SHISA9: variants seen among roughly 807,000 people sequenced by gnomAD.
SHISA9 encodes the protein shisa family member 9.
Under a neutral mutation model 38.0 loss-of-function variants are expected in SHISA9, and 13 were observed. That is an observed-to-expected ratio of 0.34 (90% CI 0.22 to 0.54). The LOEUF (loss-of-function observed/expected upper bound fraction) is 0.54. Among genes scored for constraint, SHISA9 ranks in the 20% least tolerant of loss-of-function variants. The probability of loss-of-function intolerance (pLI) is 0.91; values close to 1 mark genes in which losing one functional copy is unlikely to be tolerated. For synonymous variants in SHISA9, 275 were observed against 242.0 expected (o/e 1.14, Z -1.27); for missense variants, 538 against 575.8 (o/e 0.93, Z 0.67).
At chr16:13,058,605 A>G (rs923675923) in intron 2 of SHISA9, among the ~76,000 whole-genome samples, 1 of 152,212 alleles carries the variant, frequency 6.6e-6, no homozygotes, top group South Asian at 2.1e-4. Flanking sequence ...TAGAGCCACA[A>G]AAGTTCTCTT....
At chr16:13,223,465 G>A (rs1424514990) in intron 4 of SHISA9, among the ~76,000 whole-genome samples, 2 of 152,050 alleles carry the variant, frequency 1.3e-5, no homozygotes, top group African/African-American at 4.8e-5. Context: ...TAAAACTGGT[G>A]CATTGAATCC....
the SHISA9 span, among the ~76,000 whole-genome samples, chr16:13,468,718 T>G: frequency 1.1e-3 from 164 of 152,298 alleles, no homozygotes; most frequent in African/African-American, 3.8e-3. Context: ...GACTCACATC[T>G]GCAATCCCAG....
chr16:13,185,171 T>C (rs2050809637), intron 2 of SHISA9, among the ~76,000 whole-genome samples: 1 of 152,198 alleles, frequency 6.6e-6, no homozygotes, highest in Non-Finnish European at 1.5e-5. Context: ...TTTTGTATTA[T>C]TTATGCATTT....
chr16:13,279,209 CT>C, the SHISA9 span, among the ~76,000 whole-genome samples: 156 of 152,016 alleles, frequency 1.0e-3, no homozygotes, highest in African/African-American at 3.6e-3. Flanking sequence ...CTGAAGGTTC[CT>C]TTTTGAGTTG....
chr16:12,970,861 G>A (rs923320226), intron 2 of SHISA9, among the ~76,000 whole-genome samples: 1 of 152,020 alleles, frequency 6.6e-6, no homozygotes, highest in Non-Finnish European at 1.5e-5. Flanking sequence ...AAGAATGTAA[G>A]CCCATGAGGC....
the SHISA9 span, among the ~76,000 whole-genome samples, chr16:13,409,888 C>T: frequency 2.0e-5 from 3 of 152,300 alleles, no homozygotes; most frequent in South Asian, 6.2e-4. Flanking sequence ...CCTGAAGGGG[C>T]CCCAAAACTT....
the SHISA9 span, among the ~76,000 whole-genome samples, chr16:13,523,024 A>C: frequency 2.0e-5 from 3 of 152,264 alleles, no homozygotes; most frequent in Non-Finnish European, 4.4e-5. Context: ...CTTGTTGAGC[A>C]TTAAGGGGAT....
intron 4 of SHISA9, among the ~76,000 whole-genome samples, chr16:13,219,914 C>T (rs563494848): frequency 2.6e-4 from 40 of 152,144 alleles, no homozygotes; most frequent in Middle Eastern, 3.4e-3. Context: ...GCCAAGATCA[C>T]GCCACTGCAC....
intron 2 of SHISA9, among the ~76,000 whole-genome samples, chr16:12,949,396 G>A (rs1367050735): frequency 6.6e-6 from 1 of 152,200 alleles, no homozygotes; most frequent in Non-Finnish European, 1.5e-5. Context: ...CACTGGCTGT[G>A]GACTGCTCCT....
chr16:12,933,101 A>G (rs1445456968), intron 2 of SHISA9, among the ~76,000 whole-genome samples: 1 of 152,210 alleles, frequency 6.6e-6, no homozygotes, highest in Non-Finnish European at 1.5e-5. Context: ...GTTTGGATGT[A>G]TAGTAGGTGA....
intron 2 of SHISA9, among the ~76,000 whole-genome samples, chr16:13,197,147 A>G (rs545045383): frequency 4.6e-4 from 69 of 149,486 alleles, no homozygotes; most frequent in Non-Finnish European, 7.8e-4. Flanking sequence ...ATATATGTGT[A>G]TATATATATA....
At chr16:13,019,212 C>A (rs12935809) in intron 2 of SHISA9, among the ~76,000 whole-genome samples, 31,425 of 151,992 alleles carry the variant, frequency 0.21, 3,488 homozygotes, top group East Asian at 0.41. Context: ...GTTGGCCAGG[C>A]TGGTCTTGAA....
intron 3 of SHISA9, 27 bp downstream of exon 3, chr16:13,203,576 C>A: frequency 1.4e-6 from 2 of 1,453,134 alleles, no homozygotes; most frequent in Non-Finnish European, 1.8e-6. Flanking sequence ...GGATCTTTTT[C>A]TCTTTCTCCT....
At chr16:13,290,159 G>A in the SHISA9 span, among the ~76,000 whole-genome samples, 15 of 152,232 alleles carry the variant, frequency 9.9e-5, no homozygotes, top group South Asian at 4.1e-4. Flanking sequence ...CCCATTTGTA[G>A]TATGATCTAA....
At chr16:13,106,180 A>G (rs956299848) in intron 2 of SHISA9, among the ~76,000 whole-genome samples, 2 of 152,172 alleles carry the variant, frequency 1.3e-5, no homozygotes, top group Non-Finnish European at 2.9e-5. Context: ...GTGCTTGGCT[A>G]TTGAGCTCTG....
intron 2 of SHISA9, among the ~76,000 whole-genome samples, chr16:13,174,879 C>T (rs1308620376): frequency 2.0e-5 from 3 of 152,088 alleles, no homozygotes; most frequent in African/African-American, 4.8e-5. Context: ...GGGAAAGGGT[C>T]CCTTATATTC....
chr16:12,975,774 C>G (rs554737590), intron 2 of SHISA9, among the ~76,000 whole-genome samples: 1 of 151,672 alleles, frequency 6.6e-6, no homozygotes, highest in African/African-American at 2.4e-5. Context: ...GGAAGATGGC[C>G]CAGATATTTG....
chr16:13,034,611 C>T (rs116918499), intron 2 of SHISA9, among the ~76,000 whole-genome samples: 1,947 of 152,130 alleles, frequency 0.013, 21 homozygotes, highest in Non-Finnish European at 0.02. Context: ...TACTCTTTTC[C>T]ATGTGACTTT....
the SHISA9 span, among the ~76,000 whole-genome samples, chr16:13,282,505 T>C: frequency 6.6e-6 from 1 of 152,066 alleles, no homozygotes; most frequent in Non-Finnish European, 1.5e-5. Context: ...TTTCTTGAAC[T>C]ATAACTTACT....
Sources: allele counts gnomAD v4.1 joint callset (sites outside exome capture counted in the v4.1 genomes callset), GRCh38; gene constraint gnomAD v4.1.1; transcripts MANE v1.5; gene names NCBI Gene and HGNC (gene_info 2026-07-23, HGNC 2026-07-21).